UNC13B: variants seen among roughly 807,000 people sequenced by gnomAD.
UNC13B encodes the protein protein unc-13 homolog B.
A neutral mutation model predicts 211.0 loss-of-function variants in UNC13B; 144 were observed. That is an observed-to-expected ratio of 0.68 (90% CI 0.60 to 0.78). The LOEUF (loss-of-function observed/expected upper bound fraction) is 0.78, where lower values mean the gene tolerates loss of function less well. Ranked by LOEUF, UNC13B falls within the 30% of genes least tolerant of loss-of-function variation. The probability of loss-of-function intolerance (pLI) is 0.00; values close to 1 mark genes in which losing one functional copy is unlikely to be tolerated. For synonymous variants in UNC13B, 709 were observed against 725.8 expected, an observed-to-expected ratio of 0.98 and a Z score of 0.37; for missense variants, 1,777 against 2,002.0, an observed-to-expected ratio of 0.89 and a Z score of 2.14.
Position 35,396,600 on chromosome 9 carries a change from A to G in UNC13B, c.11433A>G (p.Pro3811=). Residue 3811 remains proline (P), a splice_region_variant and synonymous_variant, in exon 27 of 40, where the codon CCA becomes CCG. Transcript: ENST00000635942. The part of the protein sequence containing the change: ...PVLQGQVPEY[P]AWFEQFVLQW... Reference sequence around the variant, plus strand: ...TCCAGGGGCAGGTGCCTGAGTACCCAGCGTGAGTCATCATGTGGGCACTAC... The same window carrying G: ...TCCAGGGGCAGGTGCCTGAGTACCCGGCGTGAGTCATCATGTGGGCACTAC... 6.2e-7 allele frequency: 1 copy of G among 1,613,908 alleles called. No homozygotes were observed. Among genetic ancestry groups the G allele is most frequent in the Non-Finnish European group, 8.5e-7 (1 of 1,179,994 alleles).
At chr9:35,172,683 T>G (rs1460711088) in intron 1 of UNC13B, among the ~76,000 whole-genome samples, 2 of 152,230 alleles carry the variant, frequency 1.3e-5, no homozygotes, top group Non-Finnish European at 2.9e-5. Context: ...GAAATGTACT[T>G]TCTCAAGTGT....
intron 16 of UNC13B, among the ~76,000 whole-genome samples, chr9:35,378,084 A>G (rs1834560858): frequency 6.6e-6 from 1 of 152,074 alleles, no homozygotes; most frequent in Non-Finnish European, 1.5e-5. Context: ...CAATATAGAG[A>G]TAAGTGGTCA....
intron 6 of UNC13B, among the ~76,000 whole-genome samples, chr9:35,256,607 A>T (rs557948802): frequency 2.0e-5 from 3 of 151,916 alleles, no homozygotes; most frequent in African/African-American, 7.2e-5. Context: ...TTCTCTTTTG[A>T]TCTGTTTAAT....
At chr9:35,384,750 A>G in intron 22 of UNC13B, 14 of 981,488 alleles carry the variant, frequency 1.4e-5, no homozygotes, top group Non-Finnish European at 1.7e-5. Context: ...TTTGCAAGTA[A>G]TCTGTATCAG....
intron 11 of UNC13B, among the ~76,000 whole-genome samples, chr9:35,315,525 G>A (rs1212694040): frequency 1.3e-5 from 2 of 151,870 alleles, no homozygotes; most frequent in Non-Finnish European, 2.9e-5. Context: ...AATCATTTGA[G>A]AGAAAATTGG....
chr9:35,258,198 A>G (rs770001936), intron 6 of UNC13B, among the ~76,000 whole-genome samples: 12 of 152,156 alleles, frequency 7.9e-5, no homozygotes, highest in Non-Finnish European at 1.2e-4. Context: ...GAGAACTCCA[A>G]ATCTCATGTT....
intron 1 of UNC13B, among the ~76,000 whole-genome samples, chr9:35,173,582 C>T (rs1587287792): frequency 6.6e-6 from 1 of 152,148 alleles, no homozygotes; most frequent in East Asian, 1.9e-4. Context: ...CACCACCATG[C>T]CCGGCTAATT....
intron 1 of UNC13B, among the ~76,000 whole-genome samples, chr9:35,206,420 C>G (rs566692250): frequency 6.6e-6 from 1 of 152,220 alleles, no homozygotes; most frequent in East Asian, 1.9e-4. Context: ...AATCTGTCTT[C>G]TGTCTCTATG....
chr9:35,180,112 T>G (rs1333596512), intron 1 of UNC13B, among the ~76,000 whole-genome samples: 1 of 152,242 alleles, frequency 6.6e-6, no homozygotes, highest in Admixed American at 6.5e-5. Context: ...ACTTGAACAC[T>G]TGTACATGCT....
At chr9:35,283,736 T>A (rs1175003289) in intron 7 of UNC13B, among the ~76,000 whole-genome samples, 1 of 152,204 alleles carries the variant, frequency 6.6e-6, no homozygotes, top group Non-Finnish European at 1.5e-5. Flanking sequence ...TGAGTTGCAA[T>A]TTTAAATAAA....
chr9:35,211,010 C>T (rs1413275417), intron 1 of UNC13B, among the ~76,000 whole-genome samples: 1 of 152,156 alleles, frequency 6.6e-6, no homozygotes, highest in Admixed American at 6.6e-5. Context: ...GCTGGGACTA[C>T]AGGAGTGCAA....
Position 35,400,427 on chromosome 9 carries a change from C to G in UNC13B, c.12468C>G (p.Arg4156=). 1 of 1,613,320 alleles carries G rather than the reference C, an allele frequency of 6.2e-7. No homozygotes were observed. Among genetic ancestry groups the G allele is most frequent in the Non-Finnish European group, 8.5e-7 (1 of 1,179,606 alleles). ...ACACTCTCATCAAGACCTTTGTGCG[C>G]TCGCAGACCACCCAAGGTAAGGCCC... The part of the protein sequence containing the change: ...TTDTLIKTFV[R]SQTTQGSGVD... Residue 4156 remains arginine (R), a synonymous_variant, in exon 37 of 40, where the codon CGC becomes CGG. Transcript: ENST00000635942.
chr9:35,359,939 C>T (rs1214209505), intron 11 of UNC13B, among the ~76,000 whole-genome samples: 1 of 152,210 alleles, frequency 6.6e-6, no homozygotes, highest in Non-Finnish European at 1.5e-5. Context: ...TTTCCTGTCT[C>T]ACTCAGAATG....
chr9:35,397,564 C>T, intron 29 of UNC13B, 71 bp from the exon 30 acceptor site: 2 of 1,513,330 alleles, frequency 1.3e-6, no homozygotes, highest in South Asian at 1.2e-5. Context: ...TGAGAAGTGC[C>T]ACCTCAGGCA....
chr9:35,201,179 A>G (rs1261394098), intron 1 of UNC13B, among the ~76,000 whole-genome samples: 3 of 152,176 alleles, frequency 2.0e-5, no homozygotes, highest in Non-Finnish European at 4.4e-5. Flanking sequence ...CATCCCAGGG[A>G]TGAAGCCCAC....
intron 11 of UNC13B, among the ~76,000 whole-genome samples, chr9:35,345,278 G>A (rs1439172395): frequency 6.6e-6 from 1 of 152,168 alleles, no homozygotes; most frequent in East Asian, 1.9e-4. Context: ...TGTAGTGAGG[G>A]TGAACAATTG....
chr9:35,351,889 C>G, intron 11 of UNC13B: 1 of 1,232,238 alleles, frequency 8.1e-7, no homozygotes, highest in Non-Finnish European at 1.0e-6. Context: ...AAACCAAGAC[C>G]CTTTTGTCCA....
intron 1 of UNC13B, among the ~76,000 whole-genome samples, chr9:35,179,953 A>G (rs1354260976): frequency 6.6e-6 from 1 of 152,228 alleles, no homozygotes; most frequent in African/African-American, 2.4e-5. Flanking sequence ...AATTAGGTAG[A>G]TGGATGGCTA....
chr9:35,342,037 G>A (rs895408216), intron 11 of UNC13B: 100 of 985,382 alleles, frequency 1.0e-4, no homozygotes, highest in Non-Finnish European at 1.1e-4. Flanking sequence ...TGCAGCCAGT[G>A]AGACTCCTGC....
Sources: gnomAD v4.1 joint callset for allele counts (sites outside exome capture counted in the v4.1 genomes callset) on GRCh38, gnomAD v4.1.1 for gene constraint, MANE v1.5 for transcripts, NCBI Gene and HGNC (gene_info 2026-07-23, HGNC 2026-07-21) for gene names.